ADCY8: variants seen among roughly 807,000 people sequenced by gnomAD.
The protein encoded by ADCY8 is adenylate cyclase type 8.
ADCY8 carries 51 observed loss-of-function variants against 119.7 expected under a neutral mutation model. That is an observed-to-expected ratio of 0.43 (90% confidence interval 0.34 to 0.54). The LOEUF (loss-of-function observed/expected upper bound fraction) is 0.54, where lower values mean the gene tolerates loss of function less well. Among genes scored for constraint, ADCY8 ranks in the 20% least tolerant of loss-of-function variants. ADCY8 has a pLI of 0.03. For missense variants in ADCY8, 1,383 were observed against 1,598.8 expected (o/e 0.87, Z 2.30); for synonymous variants, 665 against 651.0 (o/e 1.02, Z -0.33).
chr8:130,940,223 C>A (rs1820916046), intron 4 of ADCY8, among the ~76,000 whole-genome samples: 1 of 152,174 alleles, frequency 6.6e-6, no homozygotes, highest in East Asian at 1.9e-4. Context: ...AGAATTCAAA[C>A]CCATGTTTGT....
At chr8:130,942,705 A>G (rs747700477) in intron 4 of ADCY8, among the ~76,000 whole-genome samples, 1 of 152,184 alleles carries the variant, frequency 6.6e-6, no homozygotes, top group Admixed American at 6.5e-5. Flanking sequence ...TAAGATGTCT[A>G]TTTGAACCCA....
chr8:130,865,930 C>T (rs923203389), intron 9 of ADCY8, among the ~76,000 whole-genome samples: 1 of 152,096 alleles, frequency 6.6e-6, no homozygotes, highest in Admixed American at 6.6e-5. Context: ...AACTCCTTCC[C>T]ACTTTCATTT....
At chr8:130,947,217 T>C (rs989788163) in intron 3 of ADCY8, among the ~76,000 whole-genome samples, 1 of 152,206 alleles carries the variant, frequency 6.6e-6, no homozygotes, top group Non-Finnish European at 1.5e-5. Flanking sequence ...CGGAGTTCAA[T>C]AGAATCATTA....
At chr8:130,933,505 CTAATTCCAGGGCTCCTAT>C (rs1189699488) in intron 5 of ADCY8, among the ~76,000 whole-genome samples, 1 of 152,190 alleles carries the variant, frequency 6.6e-6, no homozygotes, top group African/African-American at 2.4e-5. Context: ...CAAGGTTTAT[CTAATTCCAGGGCTCCTAT>C]TAATTCCTTT....
Position 131,040,490 on chromosome 8 carries a change from G to T in ADCY8, c.-157C>A. 1.1e-6 allele frequency: 1 copy of T among 939,820 alleles called. No homozygotes were observed. The highest frequency in any genetic ancestry group is 1.4e-6 in the Non-Finnish European group (1 of 692,702). 58.2% of individuals were successfully genotyped at this position (939,820 alleles called of 1,614,324 possible). A position where few individuals can be genotyped will look rare whatever the true frequency, so the allele number is the denominator to read the frequency against. On this transcript the variant is annotated 5_prime_UTR_variant, in exon 1 of 18. Coordinates refer to ENST00000286355, the MANE Select transcript of ADCY8 (RefSeq NM_001115.3). ...AGCCCTGCGCTAGGGCTCCCTGTAGGTCGGGTCATACTGTGCCCAGGGGCA... is the reference window on the plus strand; with the variant it reads ...AGCCCTGCGCTAGGGCTCCCTGTAGTTCGGGTCATACTGTGCCCAGGGGCA...
rs187458907 is a variant in ADCY8 at position 130,818,875 on chromosome 8, G to A, written c.2754+2467C>T. The stretch of plus-strand genomic sequence containing the variant: ...ATTTGGATTCCCGCTCCAGTCTGGC[G>A]TTTCTTACAGGCTTTGTGACCTCAG... On this transcript the variant is annotated intron_variant, in intron 13 of 17. Coordinates refer to ENST00000286355, the MANE Select transcript of ADCY8 (RefSeq NM_001115.3). 9.5e-4 allele frequency among the ~76,000 whole-genome samples: 145 copies of A among 152,324 alleles called. No homozygotes were observed. The Middle Eastern group carries it at 0.014, about 14-fold the overall frequency.
chr8:131,034,426 C>A (rs867690594), intron 1 of ADCY8, among the ~76,000 whole-genome samples: 1 of 152,022 alleles, frequency 6.6e-6, no homozygotes, highest in African/African-American at 2.4e-5. Context: ...CTTACTCATA[C>A]TATACACCAC....
chr8:130,985,129 T>A (rs749749750), intron 2 of ADCY8, among the ~76,000 whole-genome samples: 3 of 151,198 alleles, frequency 2.0e-5, no homozygotes, highest in Non-Finnish European at 3.0e-5. Context: ...GAGAGGAGAG[T>A]GCTTCAAGGA....
chr8:130,814,926 G>C (rs1439684523), intron 13 of ADCY8, among the ~76,000 whole-genome samples: 1 of 152,190 alleles, frequency 6.6e-6, no homozygotes, highest in Admixed American at 6.5e-5. Context: ...CATCCTTACT[G>C]TTACAGACTG....
chr8:131,026,001 A>G (rs1276480631), intron 1 of ADCY8, among the ~76,000 whole-genome samples: 1 of 152,220 alleles, frequency 6.6e-6, no homozygotes, highest in African/African-American at 2.4e-5. Context: ...CAGCACCCCT[A>G]CTGCCTGCAT....
At chr8:130,805,743 G>A (rs1380017792) in intron 14 of ADCY8, among the ~76,000 whole-genome samples, 1 of 152,214 alleles carries the variant, frequency 6.6e-6, no homozygotes, top group South Asian at 2.1e-4. Flanking sequence ...GACAGAGTGG[G>A]ACTGAGCTAA....
chr8:130,916,885 C>A (rs183403654), intron 5 of ADCY8, among the ~76,000 whole-genome samples: 2 of 152,242 alleles, frequency 1.3e-5, no homozygotes, highest in East Asian at 1.9e-4. Context: ...CTGTGAGACT[C>A]CTGATTTCCC....
At chr8:130,791,323 C>G (rs546632619) in intron 15 of ADCY8, among the ~76,000 whole-genome samples, 34 of 152,258 alleles carry the variant, frequency 2.2e-4, no homozygotes, top group South Asian at 1.7e-3. Flanking sequence ...CGGCCCTCAC[C>G]AGGAGCCCTG....
intron 3 of ADCY8, among the ~76,000 whole-genome samples, chr8:130,946,425 GA>G (rs1563739936): frequency 6.6e-6 from 1 of 152,144 alleles, no homozygotes; most frequent in African/African-American, 2.4e-5. Context: ...CCCTGGTATA[GA>G]TTTTTCCCCC....
At chr8:131,001,009 C>G (rs113989227) in intron 1 of ADCY8, among the ~76,000 whole-genome samples, 1,727 of 152,228 alleles carry the variant, frequency 0.011, 21 homozygotes, top group Non-Finnish European at 0.016. Context: ...GTTCATGGAG[C>G]ATTTCACTGT....
At chr8:130,827,350 T>A (rs1207896656) in intron 12 of ADCY8, among the ~76,000 whole-genome samples, 23 of 152,142 alleles carry the variant, frequency 1.5e-4, no homozygotes, top group Admixed American at 1.5e-3. Context: ...GTCATCCAAG[T>A]GTACAGTAAG....
chr8:130,835,379 G>GA (rs1367765511), intron 12 of ADCY8, among the ~76,000 whole-genome samples: 1 of 152,188 alleles, frequency 6.6e-6, no homozygotes, highest in Non-Finnish European at 1.5e-5. Flanking sequence ...AGCCTGCCCA[G>GA]AGGCATTTCA....
intron 1 of ADCY8, among the ~76,000 whole-genome samples, chr8:131,023,909 T>TGTA (rs1201749260): frequency 6.6e-6 from 1 of 152,216 alleles, no homozygotes; most frequent in Non-Finnish European, 1.5e-5. Context: ...GGACTTTACA[T>TGTA]AAGGAAAGAC....
intron 5 of ADCY8, among the ~76,000 whole-genome samples, chr8:130,922,661 C>T (rs1457066612): frequency 1.3e-5 from 2 of 152,186 alleles, no homozygotes; most frequent in African/African-American, 2.4e-5. Flanking sequence ...TCCCCACCTT[C>T]CCCCCTTTCT....
Sources: gnomAD v4.1 joint callset for allele counts (sites outside exome capture counted in the v4.1 genomes callset) on GRCh38, gnomAD v4.1.1 for gene constraint, MANE v1.5 for transcripts, NCBI Gene and HGNC (gene_info 2026-07-23, HGNC 2026-07-21) for gene names.